The following WWOX variants were observed in gnomAD, a reference collection of about 807,000 sequenced individuals.
WWOX encodes WW domain-containing oxidoreductase.
Under a neutral mutation model 46.2 loss-of-function variants are expected in WWOX, and 69 were observed. That is an observed-to-expected ratio of 1.49 (90% CI 1.23 to 1.82). The LOEUF (loss-of-function observed/expected upper bound fraction) is 1.82. WWOX is among the 40% of genes most tolerant of loss of function. The pLI is 0.00. For synonymous variants in WWOX, 359 were observed against 202.6 expected (o/e 1.77, Z -6.56); for missense variants, 919 against 542.6 (o/e 1.69, Z -6.89).
At chr16:79,191,144 C>G (rs1318523649) in intron 8 of WWOX, among the ~76,000 whole-genome samples, 1 of 152,154 alleles carries the variant, frequency 6.6e-6, no homozygotes, top group Non-Finnish European at 1.5e-5. Flanking sequence ...GCCTCCGCCT[C>G]TCGGGTTCAA....
intron 8 of WWOX, among the ~76,000 whole-genome samples, chr16:78,465,779 G>A (rs561730939): frequency 7.2e-5 from 11 of 152,256 alleles, no homozygotes; most frequent in African/African-American, 2.6e-4. Flanking sequence ...TTTTTAAAAT[G>A]TATTCTGTGT....
At chr16:78,353,047 TG>T (rs1446205037) in intron 5 of WWOX, among the ~76,000 whole-genome samples, 1 of 152,244 alleles carries the variant, frequency 6.6e-6, no homozygotes, top group African/African-American at 2.4e-5. Flanking sequence ...TGTAAAATAA[TG>T]GCAGTTTGTA....
intron 8 of WWOX, among the ~76,000 whole-genome samples, chr16:78,877,516 T>C (rs2044258738): frequency 6.6e-6 from 1 of 152,232 alleles, no homozygotes; most frequent in Non-Finnish European, 1.5e-5. Flanking sequence ...CACTATAAAA[T>C]GGCAGCCTGC....
In WWOX at chr16:79,081,165, C is replaced by T. The variant is rs542088550; in HGVS notation, c.1057-130443C>T. 5.9e-5 allele frequency among the ~76,000 whole-genome samples: 9 copies of T among 152,146 alleles called. No individual in the cohort carries two copies. In the South Asian group the frequency reaches 1.9e-3, roughly 32 times the overall value. On this transcript the variant is annotated intron_variant, in intron 8 of 8. Transcript: ENST00000566780. ...AGTGGAGTGTGGGGTGCTGAGAGAA[C>T]AAGTCTATGTTTTCTTGAGACAAAG...
rs143953368 is a variant in WWOX, at chr16:79,125,758, A to T, written c.1057-85850A>T. Among the ~76,000 whole-genome samples, 613 of 152,336 alleles carry T rather than the reference A, an allele frequency of 4.0e-3. 5 individuals are homozygous for T. Among genetic ancestry groups the T allele is most frequent in the African/African-American group, 0.014 (569 of 41,576 alleles). ...CTTTGGGGCAGTGCCAGGATTTAAT[A>T]TGGGTTCTTTGGACTTCAGAGCCCC... On this transcript the variant is annotated intron_variant, in intron 8 of 8. Coordinates refer to ENST00000566780, the MANE Select transcript of WWOX (RefSeq NM_016373.4).
chr16:79,122,899 T>TTG (rs1476921120), intron 8 of WWOX, among the ~76,000 whole-genome samples: 55 of 152,306 alleles, frequency 3.6e-4, no homozygotes, highest in African/African-American at 1.3e-3. Context: ...AATGGCCACC[T>TTG]CAACTTTTAG....
At chr16:78,699,091 A>G (rs78927031) in intron 8 of WWOX, among the ~76,000 whole-genome samples, 2 of 152,178 alleles carry the variant, frequency 1.3e-5, no homozygotes, top group African/African-American at 4.8e-5. Flanking sequence ...CTAACTTTGT[A>G]TGAAAGTAGC....
chr16:78,917,277 C>G (rs774279395), intron 8 of WWOX, among the ~76,000 whole-genome samples: 7 of 152,210 alleles, frequency 4.6e-5, no homozygotes, highest in Non-Finnish European at 7.3e-5. Context: ...CGTGGTTCCC[C>G]TAACTCAAAT....
At chr16:78,237,669 A>T (rs1286380915) in intron 5 of WWOX, 1 of 152,200 alleles carries the variant, frequency 6.6e-6, no homozygotes, top group Non-Finnish European at 1.5e-5. Flanking sequence ...AATAGTTCTT[A>T]CATTTTCAAT....
intron 5 of WWOX, among the ~76,000 whole-genome samples, chr16:78,263,922 A>G (rs953516102): frequency 2.0e-5 from 3 of 150,540 alleles, no homozygotes; most frequent in African/African-American, 7.3e-5. Context: ...TTCATCCTTT[A>G]AAAATACAGC....
chr16:78,598,436 CT>C (rs1330230529), intron 8 of WWOX, among the ~76,000 whole-genome samples: 3 of 152,184 alleles, frequency 2.0e-5, no homozygotes, highest in African/African-American at 7.2e-5. Context: ...ACTTCTTCCT[CT>C]TTCCCCCCGC....
At chr16:78,594,346 C>G (rs1377594328) in intron 8 of WWOX, among the ~76,000 whole-genome samples, 1 of 148,862 alleles carries the variant, frequency 6.7e-6, no homozygotes, top group African/African-American at 2.5e-5. Flanking sequence ...AAAACCCAAT[C>G]CGCTCATATT....
chr16:78,676,282 C>T (rs1268849188), intron 8 of WWOX, among the ~76,000 whole-genome samples: 1 of 152,036 alleles, frequency 6.6e-6, no homozygotes, highest in African/African-American at 2.4e-5. Flanking sequence ...AACCTGCTAC[C>T]ATCCTCTAAA....
At chr16:78,654,414 C>T (rs2047035568) in intron 8 of WWOX, among the ~76,000 whole-genome samples, 1 of 152,180 alleles carries the variant, frequency 6.6e-6, no homozygotes. Flanking sequence ...GTGTACTATG[C>T]TCTATTGAAA....
intron 8 of WWOX, among the ~76,000 whole-genome samples, chr16:78,683,331 A>AGGGCG (rs2047775198): frequency 6.7e-6 from 1 of 148,658 alleles, no homozygotes; most frequent in Non-Finnish European, 1.5e-5. Context: ...TGAGCTCAGG[A>AGGGCG]GTTGGAGACC....
chr16:78,118,647 C>T (rs575757169), intron 4 of WWOX, among the ~76,000 whole-genome samples: 1 of 152,282 alleles, frequency 6.6e-6, no homozygotes, highest in Non-Finnish European at 1.5e-5. Context: ...TGGCAGAGAT[C>T]ATCTAGCTCG....
chr16:78,118,694 A>T (rs1374695635), intron 4 of WWOX, among the ~76,000 whole-genome samples: 1 of 152,184 alleles, frequency 6.6e-6, no homozygotes, highest in Non-Finnish European at 1.5e-5. Context: ...CCTTTCCCAG[A>T]AAAAAGTGCC....
chr16:78,824,493 C>G (rs961848754), intron 8 of WWOX, among the ~76,000 whole-genome samples: 19 of 152,068 alleles, frequency 1.2e-4, no homozygotes, highest in Non-Finnish European at 2.4e-4. Context: ...ACTTCAGGGC[C>G]TGTATTAGTT....
At chr16:78,283,469 G>A (rs2079715772) in intron 5 of WWOX, among the ~76,000 whole-genome samples, 1 of 152,168 alleles carries the variant, frequency 6.6e-6, no homozygotes, top group Non-Finnish European at 1.5e-5. Flanking sequence ...AGGCTTTTCA[G>A]GATGCTGTGC....
Sources: gnomAD v4.1 joint callset for allele counts (sites outside exome capture counted in the v4.1 genomes callset) on GRCh38, gnomAD v4.1.1 for gene constraint, MANE v1.5 for transcripts, NCBI Gene and HGNC (gene_info 2026-07-23, HGNC 2026-07-21) for gene names.